Variants in MFSD8 observed in about 807,000 individuals in gnomAD.
MFSD8 encodes the protein major facilitator superfamily domain-containing protein 8.
A neutral mutation model predicts 66.4 loss-of-function variants in MFSD8; 55 were observed. The ratio of observed to expected loss-of-function variants is 0.83; its 90% confidence interval spans 0.67 to 1.04. MFSD8 has a LOEUF of 1.04. Among genes scored for constraint, MFSD8 ranks in the 50% least tolerant of loss-of-function variants. MFSD8 has a pLI of 0.00. For synonymous variants in MFSD8, 202 were observed against 212.8 expected, an observed-to-expected ratio of 0.95 and a Z score of 0.44; for missense variants, 550 against 627.6, an observed-to-expected ratio of 0.88 and a Z score of 1.32.
At chr4:127,931,088 G>A (rs1452268197) in intron 8 of MFSD8, among the ~76,000 whole-genome samples, 1 of 151,920 alleles carries the variant, frequency 6.6e-6, no homozygotes, top group Non-Finnish European at 1.5e-5. Context: ...CTGAAACAAA[G>A]GAAAAGGAAA....
At chr4:127,965,262 G>T (rs1744889765), upstream of MFSD8, 1 of 1,196,944 alleles carries the variant, frequency 8.4e-7, no homozygotes, top group Non-Finnish European at 1.2e-6. Context: ...AGACGTAGGC[G>T]GAACGCCCCG....
chr4:127,949,996 T>C, intron 2 of MFSD8, 149 bp from the exon 3 acceptor site: 1 of 597,100 alleles, frequency 1.7e-6, no homozygotes, highest in South Asian at 2.7e-5. Context: ...AATGAGATTT[T>C]AATTATCAGA....
intron 7 of MFSD8, among the ~76,000 whole-genome samples, chr4:127,937,545 G>C (rs1739281687): frequency 6.6e-6 from 1 of 152,126 alleles, no homozygotes; most frequent in African/African-American, 2.4e-5. Context: ...TCCACACAAT[G>C]TTCTCTTAAA....
At chr4:127,956,038 G>C (rs1299652553) in intron 2 of MFSD8, among the ~76,000 whole-genome samples, 2 of 152,060 alleles carry the variant, frequency 1.3e-5, no homozygotes, top group Admixed American at 6.6e-5. Flanking sequence ...AGAATTGCTC[G>C]AACCCAGGAG....
chr4:127,944,270 TCA>T (rs1404461360), intron 3 of MFSD8, among the ~76,000 whole-genome samples: 1 of 152,072 alleles, frequency 6.6e-6, no homozygotes, highest in Non-Finnish European at 1.5e-5. Context: ...AAGAAGATAA[TCA>T]CACACACTAT....
At chr4:127,938,943 CT>C in intron 6 of MFSD8, 105 bp from the exon 7 acceptor site, 3 of 825,582 alleles carry the variant, frequency 3.6e-6, no homozygotes, top group Non-Finnish European at 5.8e-6. Context: ...AATATAGTTT[CT>C]TTTATTGGTT....
chr4:127,939,645 A>G (rs1739796895), intron 6 of MFSD8: 1 of 403,954 alleles, frequency 2.5e-6, no homozygotes, highest in East Asian at 4.1e-5. Context: ...TTGAATCTTC[A>G]AAGACCTTCC....
chr4:127,924,771 C>A (rs1246821666), intron 9 of MFSD8, among the ~76,000 whole-genome samples: 1 of 152,064 alleles, frequency 6.6e-6, no homozygotes, highest in Non-Finnish European at 1.5e-5. Context: ...CAAAACAGAG[C>A]CCATATAGCC....
intron 3 of MFSD8, among the ~76,000 whole-genome samples, chr4:127,949,585 T>C (rs1270536127): frequency 6.6e-6 from 1 of 152,200 alleles, no homozygotes; most frequent in African/African-American, 2.4e-5. Context: ...GATCCTATTT[T>C]TCCTTACGTA....
chr4:127,959,984 G>A (rs954550604), intron 1 of MFSD8, among the ~76,000 whole-genome samples: 1 of 152,152 alleles, frequency 6.6e-6, no homozygotes, highest in Non-Finnish European at 1.5e-5. Flanking sequence ...AAAAAGGAAT[G>A]CTGCATTTCT....
intron 9 of MFSD8, 54 bp downstream of exon 9, chr4:127,930,629 G>T: frequency 1.3e-6 from 2 of 1,597,638 alleles, no homozygotes; most frequent in East Asian, 4.5e-5. Flanking sequence ...TGTTAGCTCT[G>T]TTTTTTGTTT....
intron 9 of MFSD8, among the ~76,000 whole-genome samples, chr4:127,927,160 T>A (rs1737338758): frequency 6.8e-6 from 1 of 147,632 alleles, no homozygotes; most frequent in African/African-American, 2.5e-5. Context: ...CTCCGTAGGT[T>A]AGGTGTATTA....
intron 9 of MFSD8, 35 bp from the exon 10 acceptor site, chr4:127,921,998 G>A: frequency 6.4e-7 from 1 of 1,550,922 alleles, no homozygotes; most frequent in Non-Finnish European, 8.9e-7. Flanking sequence ...ATTTTAAAAT[G>A]AAACATTATA....
intron 5 of MFSD8, among the ~76,000 whole-genome samples, chr4:127,940,352 A>C (rs1430885350): frequency 3.3e-5 from 5 of 151,994 alleles, no homozygotes; most frequent in African/African-American, 4.8e-5. Flanking sequence ...TTCACAAGGA[A>C]TTGTATCTTA....
At chr4:127,963,524 T>G (rs1744188091) in intron 1 of MFSD8, among the ~76,000 whole-genome samples, 1 of 152,066 alleles carries the variant, frequency 6.6e-6, no homozygotes, top group Non-Finnish European at 1.5e-5. Context: ...GTTTCTTCCT[T>G]CTGGTGGGTT....
intron 7 of MFSD8, among the ~76,000 whole-genome samples, chr4:127,935,006 T>G (rs1049886417): frequency 2.0e-5 from 3 of 152,224 alleles, no homozygotes; most frequent in African/African-American, 7.2e-5. Context: ...TAATAATGCC[T>G]GCTTTTCTAT....
At position 127,930,720 on chromosome 4, in the gene MFSD8, C is replaced by A; in HGVS notation, c.961G>T (p.Val321Phe). 1 of 1,613,492 alleles carries A rather than the reference C, an allele frequency of 6.2e-7. No individual in the cohort carries two copies. Among genetic ancestry groups the A allele is most frequent in the Non-Finnish European group, 8.5e-7 (1 of 1,179,780 alleles). Reference sequence around the variant, plus strand: ...AACTTAACTCCTAAGAAAATAACAACGGCTTCAACCCCAAGAGCAGCAAGT... The same window carrying A: ...AACTTAACTCCTAAGAAAATAACAAAGGCTTCAACCCCAAGAGCAGCAAGT... ...IILAALGVEA[V>F]VIFLGVKLLS... is the part of the protein sequence containing the mutation. Residue 321 changes from valine (V) to phenylalanine (F), a missense_variant, in exon 9 of 12, where the codon GTT becomes TTT. Physicochemically the swap from Val to Phe is conservative, Grantham distance 50 (BLOSUM62 -1). Transcript: ENST00000641686.
At chr4:127,948,754 C>G (rs1280429951) in intron 3 of MFSD8, among the ~76,000 whole-genome samples, 1 of 152,118 alleles carries the variant, frequency 6.6e-6, no homozygotes, top group African/African-American at 2.4e-5. Context: ...GGAAGAGAGA[C>G]CTGAGCTAGC....
rs1441729997 is a variant in MFSD8, at chr4:127,918,634, T to C, written c.*1996A>G. On this transcript the variant is annotated 3_prime_UTR_variant, in exon 12 of 12. Coordinates refer to ENST00000641686, the MANE Select transcript of MFSD8 (RefSeq NM_001371596.2). The stretch of plus-strand genomic sequence containing the variant: ...GTGATTAATTGAAACTGCAACTTTC[T>C]GGGATATTTTCCTCACTATGAAAAA... 1 of 152,228 alleles carries C rather than the reference T, an allele frequency of 6.6e-6. No homozygotes were observed. Among genetic ancestry groups the C allele is most frequent in the Non-Finnish European group, 1.5e-5 (1 of 68,034 alleles). 9.4% of individuals were successfully genotyped at this position (152,228 alleles called of 1,614,324 possible). A position where few individuals can be genotyped will look rare whatever the true frequency, so the allele number is the denominator to read the frequency against.
Sources: allele counts gnomAD v4.1 joint callset (sites outside exome capture counted in the v4.1 genomes callset), GRCh38; gene constraint gnomAD v4.1.1; transcripts MANE v1.5; gene names NCBI Gene and HGNC (gene_info 2026-07-23, HGNC 2026-07-21).